Variants in PIK3R1 observed in about 807,000 individuals in gnomAD.
PIK3R1 encodes phosphatidylinositol 3-kinase regulatory subunit alpha.
PIK3R1 carries 29 observed loss-of-function variants against 98.0 expected under a neutral mutation model. The observed-to-expected ratio is 0.30, with a 90% CI of 0.22 to 0.40. The LOEUF (loss-of-function observed/expected upper bound fraction) is 0.40, where lower values mean the gene tolerates loss of function less well. PIK3R1 is among the 10% of genes least tolerant of loss of function. The pLI is 1.00. For synonymous variants in PIK3R1, 282 were observed against 311.8 expected (o/e 0.90, Z 1.01); for missense variants, 596 against 872.7 (o/e 0.68, Z 3.99).
intron 3 of PIK3R1, 71 bp downstream of exon 3, chr5:68,273,553 T>G (rs1352125542): frequency 3.9e-6 from 5 of 1,279,714 alleles, no homozygotes; most frequent in Non-Finnish European, 5.7e-6. Context: ...TATTTGTCTC[T>G]TGTGCATTCA....
intron 7 of PIK3R1, among the ~76,000 whole-genome samples, chr5:68,286,404 A>G (rs1010323700): frequency 1.3e-4 from 20 of 152,206 alleles, no homozygotes; most frequent in Admixed American, 1.0e-3. Context: ...CAGTAATACA[A>G]TTATGTACAT....
chr5:68,251,268 G>A (rs1175397656), intron 2 of PIK3R1, among the ~76,000 whole-genome samples: 1 of 151,926 alleles, frequency 6.6e-6, no homozygotes, highest in Non-Finnish European at 1.5e-5. Context: ...AATGTCTGGT[G>A]GAAACCTCTT....
intron 2 of PIK3R1, among the ~76,000 whole-genome samples, chr5:68,235,425 TAAATAAATAAATAAATAAATA>T (rs1217594655): frequency 6.6e-6 from 1 of 151,152 alleles, no homozygotes; most frequent in Admixed American, 6.6e-5. Flanking sequence ...AATAAATAAA[TAAATAAATAAATAAATAAATA>T]ATTTTCAATG....
In PIK3R1 at chr5:68,300,037, T is replaced by C; in HGVS notation, c.*2436T>C. 4.3e-6 allele frequency: 1 copy of C among 233,210 alleles called. No individual in the cohort carries two copies. Among genetic ancestry groups the C allele is most frequent in the East Asian group, 6.0e-5 (1 of 16,550 alleles). The allele number at this position is 233,210 out of a possible 1,614,324, so 14.4% of individuals were successfully genotyped here. A position where few individuals can be genotyped will look rare whatever the true frequency, so the allele number is the denominator to read the frequency against. On this transcript the variant is annotated 3_prime_UTR_variant, in exon 16 of 16. Coordinates refer to ENST00000521381, the MANE Select transcript of PIK3R1 (RefSeq NM_181523.3). ...TTTTTTGGTAGCACATGTATGCTAT[T>C]ACATACAAATTTTTATTTCTAAAAT...
intron 2 of PIK3R1, among the ~76,000 whole-genome samples, chr5:68,261,355 G>A (rs1027723049): frequency 1.3e-5 from 2 of 152,136 alleles, no homozygotes; most frequent in Non-Finnish European, 2.9e-5. Context: ...TTTGCCCAAA[G>A]TTACCAACAT....
rs1748075123 is a variant in PIK3R1 at position 68,301,424 on chromosome 5, ATATATATATGTGTGTG to A, written c.*3833_*3848del. 1 of 84,846 alleles carries A rather than the reference ATATATATATGTGTGTG, an allele frequency of 1.2e-5. No homozygotes were observed. Among genetic ancestry groups the A allele is most frequent in the Non-Finnish European group, 2.3e-5 (1 of 43,726 alleles). The allele number at this position is 84,846 out of a possible 1,614,324, so 5.3% of individuals were successfully genotyped here. ...TATATATATATATATATATATATAT[ATATATATATGTGTGTG>A]TATATATATATATATGTGTATATAT... On this transcript the variant is annotated 3_prime_UTR_variant, in exon 16 of 16. Coordinates refer to ENST00000521381, the MANE Select transcript of PIK3R1 (RefSeq NM_181523.3).
chr5:68,235,693 G>A (rs964183005), intron 2 of PIK3R1, among the ~76,000 whole-genome samples: 2 of 152,082 alleles, frequency 1.3e-5, no homozygotes, highest in African/African-American at 4.8e-5. Flanking sequence ...AAATAATAAG[G>A]AATATCTGTG....
chr5:68,281,069 T>G, intron 7 of PIK3R1, 63 bp downstream of exon 7: 2 of 1,088,254 alleles, frequency 1.8e-6, no homozygotes, highest in Non-Finnish European at 2.7e-6. Context: ...TAAAAAATGA[T>G]GGCTATAAAC....
intron 7 of PIK3R1, chr5:68,291,768 A>C (rs1747407454): frequency 6.5e-6 from 1 of 152,946 alleles, no homozygotes; most frequent in Non-Finnish European, 1.5e-5. Context: ...CTCTTAAAAC[A>C]TACTGCTGTA....
rs1332393016 is a variant in PIK3R1 at position 68,299,591 on chromosome 5, TA to T, written c.*1991del. ...TAATTAGCAACCATAATATGGTCAC[TA>T]CCCTAATAGACTAAATGAAATCTTG... On this transcript the variant is annotated 3_prime_UTR_variant, in exon 16 of 16. Transcript: ENST00000521381. The T allele has an allele frequency of 3.0e-5, 7 of 233,254 alleles. No individual in the cohort carries two copies. Among genetic ancestry groups the T allele is most frequent in the South Asian group, 1.8e-4 (1 of 5,532 alleles). The allele number at this position is 233,254 out of a possible 1,614,324, so 14.4% of individuals were successfully genotyped here. A position where few individuals can be genotyped will look rare whatever the true frequency, so the allele number is the denominator to read the frequency against.
intron 12 of PIK3R1, 76 bp from the exon 13 acceptor site, chr5:68,295,072 G>T (rs1747631269): frequency 1.6e-6 from 2 of 1,248,522 alleles, no homozygotes; most frequent in Non-Finnish European, 2.2e-6. Context: ...GGAAACCATA[G>T]TGAAACTTTT....
intron 1 of PIK3R1, among the ~76,000 whole-genome samples, chr5:68,219,706 T>C (rs924604385): frequency 1.3e-5 from 2 of 152,220 alleles, no homozygotes; most frequent in Non-Finnish European, 2.9e-5. Flanking sequence ...AGTTTTATTT[T>C]AGCTAGATTC....
At chr5:68,222,642 G>C (rs1249891843) in intron 1 of PIK3R1, among the ~76,000 whole-genome samples, 1 of 152,194 alleles carries the variant, frequency 6.6e-6, no homozygotes. Flanking sequence ...GCTGGGTTTT[G>C]GAGTTGATGG....
chr5:68,269,971 G>A (rs1334455630), intron 2 of PIK3R1, among the ~76,000 whole-genome samples: 4 of 151,844 alleles, frequency 2.6e-5, no homozygotes, highest in South Asian at 2.1e-4. Flanking sequence ...ACATTTGAGC[G>A]ATAAAGCTTT....
At chr5:68,283,935 C>A (rs1702985556) in intron 7 of PIK3R1, among the ~76,000 whole-genome samples, 1 of 152,112 alleles carries the variant, frequency 6.6e-6, no homozygotes, top group Admixed American at 6.5e-5. Context: ...TGAAATTAGC[C>A]CCCATGGGTC....
Position 68,301,366 on chromosome 5 carries a change from A to ATATATATATATATATATG in PIK3R1, c.*3766_*3767insATATATATATATATATGT, listed in dbSNP as rs34491401. 1 of 63,316 alleles carries ATATATATATATATATATG rather than the reference A, an allele frequency of 1.6e-5. No homozygotes were observed. Among genetic ancestry groups the ATATATATATATATATATG allele is most frequent in the Non-Finnish European group, 2.7e-5 (1 of 36,760 alleles). 3.9% of individuals were successfully genotyped at this position (63,316 alleles called of 1,614,324 possible). On this transcript the variant is annotated 3_prime_UTR_variant, in exon 16 of 16. Transcript: ENST00000521381. ...GCTATATATATATATATATATATAT[A>ATATATATATATATATATG]TGTGTGTGTGTGTGTGTGTGTGTGT...
At chr5:68,265,778 T>C (rs1400343764) in intron 2 of PIK3R1, among the ~76,000 whole-genome samples, 1 of 152,196 alleles carries the variant, frequency 6.6e-6, no homozygotes, top group East Asian at 1.9e-4. Flanking sequence ...CAGATAAATA[T>C]GTAAATAAAG....
At position 68,298,740 on chromosome 5, in the gene PIK3R1, AAAG is replaced by A. The variant is rs1190227460; in HGVS notation, c.*1142_*1144del. On this transcript the variant is annotated 3_prime_UTR_variant, in exon 16 of 16. Transcript: ENST00000521381. Reference sequence around the variant, plus strand: ...TCAAAGCTGCTTTATTCAATAAAAAAAAGAAATGAAAAAGATATATGAATATGA... The same window carrying A: ...TCAAAGCTGCTTTATTCAATAAAAAAAAATGAAAAAGATATATGAATATGA... 3 of 233,394 alleles carry A rather than the reference AAAG, an allele frequency of 1.3e-5. No homozygotes were observed. Among genetic ancestry groups the A allele is most frequent in the Non-Finnish European group, 2.5e-5 (3 of 117,962 alleles). The allele number at this position is 233,394 out of a possible 1,614,324, so 14.5% of individuals were successfully genotyped here.
chr5:68,250,223 C>T (rs1745250683), intron 2 of PIK3R1, among the ~76,000 whole-genome samples: 1 of 152,188 alleles, frequency 6.6e-6, no homozygotes, highest in Non-Finnish European at 1.5e-5. Flanking sequence ...ACTGCCTGCT[C>T]CTCAGATTGT....
Sources: allele counts gnomAD v4.1 joint callset (sites outside exome capture counted in the v4.1 genomes callset), GRCh38; gene constraint gnomAD v4.1.1; transcripts MANE v1.5; gene names NCBI Gene and HGNC (gene_info 2026-07-23, HGNC 2026-07-21).